Variants in TMOD1 observed in about 807,000 individuals in gnomAD.
TMOD1 encodes the protein tropomodulin 1.
Under a neutral mutation model 40.6 loss-of-function variants are expected in TMOD1, and 17 were observed. The observed-to-expected ratio is 0.42, with a 90% CI of 0.29 to 0.63. The LOEUF (loss-of-function observed/expected upper bound fraction) is 0.63. Among genes scored for constraint, TMOD1 ranks in the 20% least tolerant of loss-of-function variants. The pLI is 0.22. For synonymous variants in TMOD1, 181 were observed against 175.0 expected (o/e 1.03, Z -0.27); for missense variants, 391 against 447.6 (o/e 0.87, Z 1.14).
At chr9:97,555,536 A>G in intron 4 of TMOD1, 2 of 1,474,828 alleles carry the variant, frequency 1.4e-6, no homozygotes, top group Non-Finnish European at 1.8e-6. Flanking sequence ...GTTATCTGTA[A>G]CGACGCAATA....
chr9:97,531,044 C>CCG (rs1564234076), intron 2 of TMOD1, among the ~76,000 whole-genome samples: 3 of 138,062 alleles, frequency 2.2e-5, no homozygotes, highest in Admixed American at 7.2e-5. Context: ...CCCACCCCCC[C>CCG]CACCACCCCT....
In TMOD1 at chr9:97,601,675, A is replaced by C. The variant is rs1587972741; in HGVS notation, c.*1977A>C. On this transcript the variant is annotated 3_prime_UTR_variant, in exon 10 of 10. Transcript: ENST00000259365. ...ACATAGTGTCTGTTGCAACTATTCA[A>C]CTCTGCCATAGATCATGTGTAAAGG... 1.5e-6 allele frequency: 1 copy of C among 654,178 alleles called. No homozygotes were observed. The highest frequency in any genetic ancestry group is 1.9e-6 in the Non-Finnish European group (1 of 526,780). 40.5% of individuals were successfully genotyped at this position (654,178 alleles called of 1,614,324 possible).
chr9:97,559,539 C>A (rs1048725301), intron 4 of TMOD1, among the ~76,000 whole-genome samples: 1 of 150,686 alleles, frequency 6.6e-6, no homozygotes, highest in Non-Finnish European at 1.5e-5. Context: ...CCAAGACAGG[C>A]GGGTTACTTG....
At position 97,600,492 on chromosome 9, in the gene TMOD1, A is replaced by G; in HGVS notation, c.*794A>G. On this transcript the variant is annotated 3_prime_UTR_variant, in exon 10 of 10. Transcript: ENST00000259365. ...ATGCCAACCTTATGATGGATGTGAA[A>G]ATCTACGGCCAAATACTTTTGAAAA... 1 of 985,622 alleles carries G rather than the reference A, an allele frequency of 1.0e-6. No individual in the cohort carries two copies. Among genetic ancestry groups the G allele is most frequent in the Non-Finnish European group, 1.2e-6 (1 of 830,098 alleles). The allele number at this position is 985,622 out of a possible 1,614,324, so 61.1% of individuals were successfully genotyped here. A position where few individuals can be genotyped will look rare whatever the true frequency, so the allele number is the denominator to read the frequency against.
rs1829621090 is a variant in TMOD1 at position 97,508,068 on chromosome 9, C to G, written c.-49+6265C>G. 3.8e-5 allele frequency among the ~76,000 whole-genome samples: 5 copies of G among 132,072 alleles called. No homozygotes were observed. In the South Asian group the frequency reaches 1.2e-3, roughly 32 times the overall value. 86.6% of individuals were successfully genotyped at this position (132,072 alleles called of 152,430 possible). A position where few individuals can be genotyped will look rare whatever the true frequency, so the allele number is the denominator to read the frequency against. On this transcript the variant is annotated intron_variant, in intron 1 of 9. Coordinates refer to ENST00000259365, the MANE Select transcript of TMOD1 (RefSeq NM_003275.4). ...TCTATCTTCCTGATTCACACACACA[C>G]ACACACACACACACACACACACACA...
chr9:97,569,389 C>G (rs1052991210), intron 8 of TMOD1, among the ~76,000 whole-genome samples: 1 of 152,204 alleles, frequency 6.6e-6, no homozygotes, highest in Non-Finnish European at 1.5e-5. Context: ...CTGTTCTCTG[C>G]TTCACTCAGG....
At chr9:97,554,185 G>A (rs994016507) in intron 4 of TMOD1, among the ~76,000 whole-genome samples, 2 of 151,926 alleles carry the variant, frequency 1.3e-5, no homozygotes, top group Non-Finnish European at 2.9e-5. Flanking sequence ...ATGGCAGGAG[G>A]GTGGGCGGGG....
chr9:97,532,021 GC>G (rs1830109827), intron 2 of TMOD1, among the ~76,000 whole-genome samples: 1 of 152,100 alleles, frequency 6.6e-6, no homozygotes, highest in Non-Finnish European at 1.5e-5. Flanking sequence ...CCCTACTTGT[GC>G]CCCAAATCAT....
At chr9:97,597,800 A>AC (rs1179000706) in intron 9 of TMOD1, among the ~76,000 whole-genome samples, 7 of 150,694 alleles carry the variant, frequency 4.6e-5, no homozygotes, top group African/African-American at 7.3e-5. Context: ...ATGGAAAATA[A>AC]CCCCCCCACC....
At chr9:97,564,988 C>A (rs976183855) in intron 6 of TMOD1, among the ~76,000 whole-genome samples, 2 of 152,228 alleles carry the variant, frequency 1.3e-5, no homozygotes, top group African/African-American at 4.8e-5. Context: ...CTAGTGTTCA[C>A]CCCCACCTGG....
intron 5 of TMOD1, among the ~76,000 whole-genome samples, chr9:97,563,585 C>T (rs1434398877): frequency 6.6e-6 from 1 of 152,120 alleles, no homozygotes; most frequent in Non-Finnish European, 1.5e-5. Context: ...ATTGCATTGC[C>T]TTAATTACTC....
intron 8 of TMOD1, among the ~76,000 whole-genome samples, chr9:97,572,736 G>A (rs1307106990): frequency 6.6e-6 from 1 of 152,210 alleles, no homozygotes; most frequent in Admixed American, 6.5e-5. Flanking sequence ...ACCTGTGGCA[G>A]CAAGTCTCTG....
At position 97,559,066 on chromosome 9, in the gene TMOD1, T is replaced by C. The variant is rs562475362; in HGVS notation, c.398-3666T>C. Among the ~76,000 whole-genome samples the C allele has an allele frequency of 6.6e-5, 10 of 152,290 alleles. No individual in the cohort carries two copies. The South Asian group carries it at 2.1e-3, about 32-fold the overall frequency. ...ATGCACTTTCTATTTTCCACCTCTC[T>C]CCACTCTAAGCCACACCAGTCAGCC... On this transcript the variant is annotated intron_variant, in intron 4 of 9. Coordinates refer to ENST00000259365, the MANE Select transcript of TMOD1 (RefSeq NM_003275.4).
intron 9 of TMOD1, 49 bp from the exon 10 acceptor site, chr9:97,599,585 C>G: frequency 6.2e-7 from 1 of 1,613,052 alleles, no homozygotes; most frequent in African/African-American, 1.3e-5. Flanking sequence ...GTGCTGGCCC[C>G]TGGTCTACAG....
chr9:97,505,066 C>T (rs915685147), intron 1 of TMOD1, among the ~76,000 whole-genome samples: 1 of 152,198 alleles, frequency 6.6e-6, no homozygotes, highest in African/African-American at 2.4e-5. Context: ...GAACCTAATT[C>T]TCTTTGCTCT....
intron 2 of TMOD1, among the ~76,000 whole-genome samples, 189 bp downstream of exon 2, chr9:97,524,497 G>GGTGTGGGT (rs1829970517): frequency 7.0e-6 from 1 of 142,936 alleles, no homozygotes; most frequent in Non-Finnish European, 1.5e-5. Flanking sequence ...GAACCAATAG[G>GGTGTGGGT]GTGTGTGTGT....
intron 6 of TMOD1, 62 bp from the exon 7 acceptor site, chr9:97,565,786 C>A: frequency 7.5e-7 from 1 of 1,339,714 alleles, no homozygotes; most frequent in Non-Finnish European, 1.1e-6. Flanking sequence ...GCTAATCCAC[C>A]TGCCTCAGCC....
At chr9:97,593,856 A>T (rs1489312626) in intron 9 of TMOD1, among the ~76,000 whole-genome samples, 1 of 151,976 alleles carries the variant, frequency 6.6e-6, no homozygotes, top group East Asian at 1.9e-4. Context: ...GGAGAGACAG[A>T]AGGATCTAAA....
At chr9:97,510,388 G>A (rs1027473162) in intron 1 of TMOD1, among the ~76,000 whole-genome samples, 5 of 151,970 alleles carry the variant, frequency 3.3e-5, no homozygotes, top group Non-Finnish European at 4.4e-5. Context: ...CCACCACCAC[G>A]CCTGGCTAAT....
Sources: gnomAD v4.1 joint callset for allele counts (sites outside exome capture counted in the v4.1 genomes callset) on GRCh38, gnomAD v4.1.1 for gene constraint, MANE v1.5 for transcripts, NCBI Gene and HGNC (gene_info 2026-07-23, HGNC 2026-07-21) for gene names.